RHOBTB1: variants seen among roughly 807,000 people sequenced by gnomAD.
RHOBTB1 encodes the protein Rho related BTB domain containing 1.
Under a neutral mutation model 71.6 loss-of-function variants are expected in RHOBTB1, and 40 were observed. That is an observed-to-expected ratio of 0.56 (90% CI 0.43 to 0.73). The LOEUF is 0.73. RHOBTB1 is among the 30% of genes least tolerant of loss of function. The pLI, the probability that RHOBTB1 is intolerant of heterozygous loss-of-function variation, is 0.00. For synonymous variants in RHOBTB1, 319 were observed against 334.9 expected, an observed-to-expected ratio of 0.95 and a Z score of 0.52; for missense variants, 797 against 894.0, an observed-to-expected ratio of 0.89 and a Z score of 1.38.
chr10:60,956,505 A>T (rs1184106019), intron 2 of RHOBTB1, among the ~76,000 whole-genome samples: 3 of 152,152 alleles, frequency 2.0e-5, no homozygotes, highest in Non-Finnish European at 4.4e-5. Flanking sequence ...TTTATTTTGT[A>T]AGCTTAATTT....
chr10:60,990,574 C>T (rs947748615), intron 1 of RHOBTB1, among the ~76,000 whole-genome samples: 1 of 152,194 alleles, frequency 6.6e-6, no homozygotes, highest in Admixed American at 6.5e-5. Flanking sequence ...ACACATTTCT[C>T]AGTCTTCTTT....
intron 1 of RHOBTB1, among the ~76,000 whole-genome samples, chr10:60,987,919 CTTTTTTTTTTTTTTTT>C (rs71018937): frequency 1.7e-4 from 9 of 53,738 alleles, no homozygotes; most frequent in South Asian, 1.1e-3. Context: ...AAATACTCAA[CTTTTTTTTTTTTTTTT>C]TTTTTTTTTT....
intron 2 of RHOBTB1, among the ~76,000 whole-genome samples, chr10:60,920,289 A>C (rs1031402936): frequency 3.9e-5 from 6 of 152,160 alleles, no homozygotes; most frequent in African/African-American, 1.4e-4. Flanking sequence ...AGACAAATAC[A>C]TCATCACAAA....
the RHOBTB1 span, among the ~76,000 whole-genome samples, chr10:60,862,389 C>T: frequency 6.6e-6 from 1 of 151,690 alleles, no homozygotes; most frequent in Non-Finnish European, 1.5e-5. Flanking sequence ...GTAGAGATAG[C>T]GTTTCACCAT....
chr10:60,917,361 C>G (rs956210381), intron 2 of RHOBTB1, among the ~76,000 whole-genome samples: 8 of 152,152 alleles, frequency 5.3e-5, no homozygotes, highest in African/African-American at 1.7e-4. Context: ...TAACTATCCT[C>G]TAAAAAGCTT....
At chr10:60,940,712 C>T (rs1257828807) in intron 2 of RHOBTB1, among the ~76,000 whole-genome samples, 1 of 152,182 alleles carries the variant, frequency 6.6e-6, no homozygotes, top group Non-Finnish European at 1.5e-5. Context: ...ATTCTACATT[C>T]TGTCCTTTCC....
At chr10:60,914,078 T>C (rs1031917903) in intron 2 of RHOBTB1, among the ~76,000 whole-genome samples, 1 of 152,042 alleles carries the variant, frequency 6.6e-6, no homozygotes, top group Non-Finnish European at 1.5e-5. Flanking sequence ...CAAAGATCTA[T>C]AAAAAGGATA....
At chr10:60,884,747 A>G (rs920170543) in intron 7 of RHOBTB1, among the ~76,000 whole-genome samples, 1 of 152,228 alleles carries the variant, frequency 6.6e-6, no homozygotes, top group African/African-American at 2.4e-5. Context: ...AGAGACAAAT[A>G]TCACAGTATT....
intron 1 of RHOBTB1, among the ~76,000 whole-genome samples, chr10:61,000,311 G>A (rs1331974906): frequency 6.6e-6 from 1 of 151,994 alleles, no homozygotes; most frequent in Non-Finnish European, 1.5e-5. Flanking sequence ...TAAGGCTAGC[G>A]GCCCAAGAAG....
chr10:60,999,177 G>C (rs1246178142), intron 1 of RHOBTB1, among the ~76,000 whole-genome samples: 1 of 152,178 alleles, frequency 6.6e-6, no homozygotes, highest in African/African-American at 2.4e-5. Flanking sequence ...AGGAGGAGTG[G>C]CGGCAGAGGG....
intron 6 of RHOBTB1, among the ~76,000 whole-genome samples, chr10:60,887,351 A>C (rs1044746450): frequency 1.3e-5 from 2 of 152,220 alleles, no homozygotes; most frequent in African/African-American, 2.4e-5. Flanking sequence ...GGGATTATAA[A>C]AGATAAAGAC....
At chr10:60,970,393 G>A (rs993922691) in intron 2 of RHOBTB1, among the ~76,000 whole-genome samples, 42 of 151,968 alleles carry the variant, frequency 2.8e-4, no homozygotes, top group Middle Eastern at 3.2e-3. Flanking sequence ...ATTTATTCAA[G>A]AGACAGGAAT....
intron 2 of RHOBTB1, among the ~76,000 whole-genome samples, chr10:60,957,845 G>A (rs536505270): frequency 5.8e-4 from 88 of 152,268 alleles, no homozygotes; most frequent in African/African-American, 2.1e-3. Flanking sequence ...GTACGGACAG[G>A]AAAGCTGAGG....
At chr10:60,885,357 G>T (rs1051289748) in intron 7 of RHOBTB1, among the ~76,000 whole-genome samples, 11 of 152,162 alleles carry the variant, frequency 7.2e-5, no homozygotes, top group Admixed American at 2.0e-4. Context: ...GGGTATCCAA[G>T]ATGCTGTTTG....
At chr10:60,948,017 T>G (rs377193518), upstream of RHOBTB1, among the ~76,000 whole-genome samples, 5 of 152,348 alleles carry the variant, frequency 3.3e-5, no homozygotes, top group East Asian at 9.6e-4. Context: ...ATAATAGTTG[T>G]GTAGAGACAA....
At chr10:60,885,123 T>C (rs760909226) in intron 7 of RHOBTB1, among the ~76,000 whole-genome samples, 1 of 150,192 alleles carries the variant, frequency 6.7e-6, no homozygotes, top group Non-Finnish European at 1.5e-5. Flanking sequence ...GTATGGTGAC[T>C]ATGGTGGACA....
intron 2 of RHOBTB1, among the ~76,000 whole-genome samples, chr10:60,955,043 C>CT (rs34012455): frequency 0.032 from 3,622 of 112,784 alleles, 107 homozygotes; most frequent in Non-Finnish European, 0.045. Flanking sequence ...TTCTTTCTTT[C>CT]TTTTTTTTTT....
intron 2 of RHOBTB1, among the ~76,000 whole-genome samples, chr10:60,982,969 T>C (rs371986397): frequency 2.0e-5 from 3 of 152,158 alleles, no homozygotes; most frequent in Admixed American, 2.0e-4. Context: ...AGAACTTTTA[T>C]TGTTCCATGG....
intron 2 of RHOBTB1, among the ~76,000 whole-genome samples, chr10:60,933,145 C>G (rs1187627474): frequency 6.6e-6 from 1 of 152,144 alleles, no homozygotes; most frequent in East Asian, 1.9e-4. Context: ...AGATCTCTTA[C>G]TTTATTTGAA....
Sources: allele counts gnomAD v4.1 joint callset (sites outside exome capture counted in the v4.1 genomes callset), GRCh38; gene constraint gnomAD v4.1.1; transcripts MANE v1.5; gene names NCBI Gene and HGNC (gene_info 2026-07-23, HGNC 2026-07-21).